CELF2: variants seen among roughly 807,000 people sequenced by gnomAD.
The protein encoded by CELF2 is CUGBP Elav-like family member 2.
In CELF2, 8 loss-of-function variants were observed where a neutral mutation model predicts 62.6. The ratio of observed to expected loss-of-function variants is 0.13; its 90% CI spans 0.07 to 0.23. CELF2 has a LOEUF of 0.23. Among genes scored for constraint, CELF2 ranks in the 10% least tolerant of loss-of-function variants. The pLI, the probability that CELF2 is intolerant of heterozygous loss-of-function variation, is 1.00. For missense variants in CELF2, 333 were observed against 671.0 expected (o/e 0.50, Z 5.56); for synonymous variants, 258 against 250.0 (o/e 1.03, Z -0.30).
intron 1 of CELF2, among the ~76,000 whole-genome samples, chr10:11,142,683 C>CAAAAAAAAA (rs1006618543): frequency 1.4e-4 from 9 of 63,714 alleles, no homozygotes; most frequent in African/African-American, 1.7e-4. Flanking sequence ...GACGCTGTCT[C>CAAAAAAAAA]AAAAAAAAAA....
intron 1 of CELF2, among the ~76,000 whole-genome samples, chr10:11,162,183 G>A (rs575403565): frequency 6.6e-6 from 1 of 152,156 alleles, no homozygotes; most frequent in East Asian, 1.9e-4. Flanking sequence ...GGTGGGACCG[G>A]ACCACCTATT....
rs191593101 is a variant in CELF2 at position 10,839,601 on chromosome 10, G to T, written c.53+40784G>T. 2.6e-5 allele frequency among the ~76,000 whole-genome samples: 4 copies of T among 152,336 alleles called. No individual in the cohort carries two copies. In the East Asian group the frequency reaches 7.7e-4, roughly 29 times the overall value. On this transcript the variant is annotated intron_variant, in intron 1 of 13. Coordinates refer to the CELF2 transcript ENST00000636488. The stretch of plus-strand genomic sequence containing the variant: ...TTCACTCGTTTCAGAAGTTACTTAA[G>T]TAAGAATATTTTTTCCTTCATAGCC...
intron 1 of CELF2, among the ~76,000 whole-genome samples, chr10:11,044,044 G>A (rs1466681872): frequency 6.6e-6 from 1 of 152,174 alleles, no homozygotes; most frequent in East Asian, 1.9e-4. Flanking sequence ...TCTTCCCTCA[G>A]TTGTGGGCAC....
At chr10:11,152,705 T>G (rs922227694) in intron 1 of CELF2, among the ~76,000 whole-genome samples, 16 of 152,254 alleles carry the variant, frequency 1.1e-4, no homozygotes, top group African/African-American at 3.6e-4. Flanking sequence ...TGAACTGTGC[T>G]GTAGTTCACA....
Position 11,242,103 on chromosome 10 carries a change from C to G in CELF2, c.355-7050C>G, listed in dbSNP as rs1418190648. Among the ~76,000 whole-genome samples the G allele has an allele frequency of 2.0e-5, 3 of 152,166 alleles. No individual in the cohort carries two copies. Among genetic ancestry groups the G allele is most frequent in the Non-Finnish European group, 4.4e-5 (3 of 68,026 alleles). Reference sequence around the variant, plus strand: ...GAATTCACTTCTTTCCATCCCCTCTCTCTACTTTTAAATATTTTATGGGCA... The same window carrying G: ...GAATTCACTTCTTTCCATCCCCTCTGTCTACTTTTAAATATTTTATGGGCA... On this transcript the variant is annotated intron_variant, in intron 3 of 12. Coordinates refer to ENST00000633077, the MANE Select transcript of CELF2 (RefSeq NM_001326342.2). The surrounding 1 kb of genome is among the most constrained non-coding windows in gnomAD (Gnocchi z 4.8).
chr10:10,702,336 A>G, the CELF2 span, among the ~76,000 whole-genome samples: 3 of 152,030 alleles, frequency 2.0e-5, no homozygotes, highest in Admixed American at 2.0e-4. Flanking sequence ...TTGGCTAGGG[A>G]TTTCCTTTTC....
intron 9 of CELF2, among the ~76,000 whole-genome samples, chr10:11,293,740 A>G (rs1475573189): frequency 6.6e-6 from 1 of 151,950 alleles, no homozygotes; most frequent in East Asian, 1.9e-4. Context: ...TTATTTACTC[A>G]TAATTCCCCC....
rs1239274228 is a variant in CELF2, at chr10:11,330,916, A to T, written c.*1863A>T. Reference sequence around the variant, plus strand: ...AAACTGTCTGATTTTAAGTCTCTAGAGGTCTGTAATAGTTTTTACATTTTT... The same window carrying T: ...AAACTGTCTGATTTTAAGTCTCTAGTGGTCTGTAATAGTTTTTACATTTTT... On this transcript the variant is annotated 3_prime_UTR_variant, in exon 13 of 13. Transcript: ENST00000633077. The surrounding 1 kb of genome is among the most constrained non-coding windows in gnomAD (Gnocchi z 4.5). 1 of 152,580 alleles carries T rather than the reference A, an allele frequency of 6.6e-6. No homozygotes were observed. Among genetic ancestry groups the T allele is most frequent in the Non-Finnish European group, 1.5e-5 (1 of 68,034 alleles). 9.5% of individuals were successfully genotyped at this position (152,580 alleles called of 1,614,324 possible).
chr10:11,211,117 A>G lies in CELF2; in HGVS notation c.272-6308A>G, dbSNP rs1205127524. 1.3e-5 allele frequency among the ~76,000 whole-genome samples: 2 copies of G among 152,200 alleles called. No homozygotes were observed. The highest frequency in any genetic ancestry group is 4.8e-5 in the African/African-American group (2 of 41,448). ...TGTAGCAAGACCCAGTCTCTACTAA[A>G]TAATTTAAAAATTAGCCTGGTGTAG... is the stretch of plus-strand genomic sequence containing the variant. On this transcript the variant is annotated intron_variant, in intron 2 of 12. Coordinates refer to ENST00000633077, the MANE Select transcript of CELF2 (RefSeq NM_001326342.2). The surrounding 1 kb of genome is among the most constrained non-coding windows in gnomAD (Gnocchi z 4.8).
chr10:10,867,100 G>T (rs1475077663), intron 1 of CELF2, among the ~76,000 whole-genome samples: 1 of 152,096 alleles, frequency 6.6e-6, no homozygotes, highest in Non-Finnish European at 1.5e-5. Flanking sequence ...GCTGGTAAAT[G>T]TTCAACAACC....
chr10:10,543,443 A>G, the CELF2 span, among the ~76,000 whole-genome samples: 1 of 152,188 alleles, frequency 6.6e-6, no homozygotes, highest in Non-Finnish European at 1.5e-5. Context: ...GTCAACTTTA[A>G]TTAAGCTAAA....
the CELF2 span, among the ~76,000 whole-genome samples, chr10:10,534,430 A>G: frequency 5.3e-5 from 8 of 152,330 alleles, no homozygotes; most frequent in East Asian, 1.9e-4. Context: ...AGAAATTGAT[A>G]GAGCGAGTTT....
Position 11,247,041 on chromosome 10 carries a change from G to A in CELF2, c.355-2112G>A, listed in dbSNP as rs997380818. ...CCACCATCCCCACAACCAGCCAGTCGCCATGAAGTTCAGCCTCCACCAGTG... is the reference window on the plus strand; with the variant it reads ...CCACCATCCCCACAACCAGCCAGTCACCATGAAGTTCAGCCTCCACCAGTG... On this transcript the variant is annotated intron_variant, in intron 3 of 12. Coordinates refer to ENST00000633077, the MANE Select transcript of CELF2 (RefSeq NM_001326342.2). This position sits in a 1 kb window ranked among gnomAD's most constrained non-coding sequence, Gnocchi z 5.4. Among the ~76,000 whole-genome samples, 20 of 152,160 alleles carry A rather than the reference G, an allele frequency of 1.3e-4. No individual in the cohort carries two copies. Among genetic ancestry groups the A allele is most frequent in the African/African-American group, 4.1e-4 (17 of 41,422 alleles).
intron 2 of CELF2, chr10:10,929,536 A>G (rs974284633): frequency 4.6e-5 from 7 of 152,218 alleles, no homozygotes; most frequent in Non-Finnish European, 1.0e-4. Context: ...CAGCGAAGTG[A>G]TTCAGTGCAT....
the CELF2 span, among the ~76,000 whole-genome samples, chr10:10,697,240 G>A: frequency 6.6e-6 from 1 of 152,156 alleles, no homozygotes; most frequent in Non-Finnish European, 1.5e-5. Context: ...ACATGGGTGG[G>A]AATTGCCAGC....
chr10:11,099,741 T>G (rs2050912992), intron 1 of CELF2, among the ~76,000 whole-genome samples: 1 of 152,198 alleles, frequency 6.6e-6, no homozygotes, highest in African/African-American at 2.4e-5. Flanking sequence ...TTTCTATACA[T>G]TATTGTGTAA....
chr10:10,989,423 A>T (rs1388984343), intron 2 of CELF2, among the ~76,000 whole-genome samples: 2 of 152,166 alleles, frequency 1.3e-5, no homozygotes, highest in Non-Finnish European at 2.9e-5. Flanking sequence ...TGATATGTAA[A>T]CATACACATC....
the CELF2 span, among the ~76,000 whole-genome samples, chr10:10,675,349 T>C: frequency 6.6e-6 from 1 of 152,134 alleles, no homozygotes; most frequent in African/African-American, 2.4e-5. Context: ...AAGTCAGAGG[T>C]GAATCTTTTT....
the CELF2 span, among the ~76,000 whole-genome samples, chr10:10,511,604 G>A: frequency 0.39 from 58,551 of 151,902 alleles, 11,703 homozygotes; most frequent in Non-Finnish European, 0.45. Context: ...CTTTTGTCTT[G>A]AAGGCAGTAT....
Sources: gnomAD v4.1 joint callset for allele counts (sites outside exome capture counted in the v4.1 genomes callset) on GRCh38, gnomAD v4.1.1 for gene constraint, Gnocchi (gnomAD v3.1) non-coding constraint, MANE v1.5 for transcripts, NCBI Gene and HGNC (gene_info 2026-07-23, HGNC 2026-07-21) for gene names.